RGS21: variants seen among roughly 807,000 people sequenced by gnomAD.
The protein encoded by RGS21 is regulator of G protein signaling 21, also known as regulator of G-protein signalling 21.
In RGS21, 19 loss-of-function variants were observed where a neutral mutation model predicts 18.7. The observed-to-expected ratio is 1.01, with a 90% CI of 0.71 to 1.49. The LOEUF is 1.49. Among genes scored for constraint, RGS21 ranks in the 40% most tolerant of loss-of-function variants. The pLI, the probability that RGS21 is intolerant of heterozygous loss-of-function variation, is 0.00. For synonymous variants in RGS21, 56 were observed against 57.8 expected, an observed-to-expected ratio of 0.97 and a Z score of 0.14; for missense variants, 194 against 176.8, an observed-to-expected ratio of 1.10 and a Z score of -0.55.
At chr1:192,332,837 C>T (rs768143829) in intron 1 of RGS21, among the ~76,000 whole-genome samples, 11 of 151,984 alleles carry the variant, frequency 7.2e-5, no homozygotes, top group Non-Finnish European at 1.6e-4. Context: ...TGGATTGAGC[C>T]CAGCAGTTCA....
intron 1 of RGS21, among the ~76,000 whole-genome samples, chr1:192,332,841 C>T (rs1288271280): frequency 1.3e-5 from 2 of 152,044 alleles, no homozygotes; most frequent in Non-Finnish European, 2.9e-5. Flanking sequence ...TTGAGCCCAG[C>T]AGTTCAAAGC....
At chr1:192,365,027 T>C (rs1423270033) in intron 4 of RGS21, among the ~76,000 whole-genome samples, 8 of 151,266 alleles carry the variant, frequency 5.3e-5, no homozygotes, top group Admixed American at 4.6e-4. Flanking sequence ...TCCCAGCTAC[T>C]AGGGAGGCTA....
At chr1:192,358,064 C>T (rs1288590951) in intron 4 of RGS21, among the ~76,000 whole-genome samples, 1 of 151,956 alleles carries the variant, frequency 6.6e-6, no homozygotes, top group Non-Finnish European at 1.5e-5. Flanking sequence ...TCGGCTGCTC[C>T]AGTGTAGCTG....
chr1:192,356,216 G>A (rs1659111223), intron 4 of RGS21, among the ~76,000 whole-genome samples: 1 of 151,714 alleles, frequency 6.6e-6, no homozygotes, highest in Admixed American at 6.6e-5. Context: ...GCACAATGTT[G>A]CTTATTGAGT....
At chr1:192,320,015 T>G (rs991174872) in intron 1 of RGS21, among the ~76,000 whole-genome samples, 4 of 152,078 alleles carry the variant, frequency 2.6e-5, no homozygotes, top group African/African-American at 9.7e-5. Flanking sequence ...CACAGTGAAG[T>G]ATTTTATAGC....
Position 192,330,616 on chromosome 1 carries a change from G to A in RGS21, c.-60-12361G>A, listed in dbSNP as rs1222073820. Among the ~76,000 whole-genome samples, 4 of 152,150 alleles carry A rather than the reference G, an allele frequency of 2.6e-5. No homozygotes were observed. The East Asian group carries it at 7.7e-4, about 29-fold the overall frequency. ...AGTAAGACTCTTCTAAGATATGTAG[G>A]ATGGATTGGAAGGAGAACAATCTGG... On this transcript the variant is annotated intron_variant, in intron 1 of 4. Transcript: ENST00000417209.
chr1:192,335,065 T>G (rs1425244693), intron 1 of RGS21, among the ~76,000 whole-genome samples: 1 of 152,164 alleles, frequency 6.6e-6, no homozygotes, highest in African/African-American at 2.4e-5. Flanking sequence ...ATTGTATTAT[T>G]CTCACAGAGC....
chr1:192,365,201 A>G (rs1215301320), intron 4 of RGS21, among the ~76,000 whole-genome samples: 1 of 152,062 alleles, frequency 6.6e-6, no homozygotes, highest in African/African-American at 2.4e-5. Flanking sequence ...TAATTTGGAT[A>G]TAAACTTTTC....
At position 192,347,374 on chromosome 1, in the gene RGS21, C is replaced by T. The variant is rs1240491925; in HGVS notation, c.73C>T (p.Leu25Phe). Residue 25 changes from leucine to phenylalanine, a missense_variant, in exon 3 of 5, where the codon CTT becomes TTT. By Grantham distance (22) the Leu-to-Phe change is conservative. Coordinates refer to ENST00000417209, the MANE Select transcript of RGS21 (RefSeq NM_001039152.3). Reference sequence around the variant, plus strand: ...GACATGGTCTGAAAATATGGACACGCTTTTAGCCAACCAAGGTAAGATTTA... The same window carrying T: ...GACATGGTCTGAAAATATGGACACGTTTTTAGCCAACCAAGGTAAGATTTA... ...TMTWSENMDT[L>F]LANQAGLDAF... 17 of 1,591,868 alleles carry T rather than the reference C, an allele frequency of 1.1e-5. No individual in the cohort carries two copies. Among genetic ancestry groups the T allele is most frequent in the East Asian group, 2.2e-5 (1 of 44,634 alleles).
chr1:192,329,198 T>C (rs1658611243), intron 1 of RGS21, among the ~76,000 whole-genome samples: 1 of 152,096 alleles, frequency 6.6e-6, no homozygotes, highest in Non-Finnish European at 1.5e-5. Flanking sequence ...TGATAACACC[T>C]CAGTGAATTC....
chr1:192,341,099 C>G (rs953455952), intron 1 of RGS21, among the ~76,000 whole-genome samples: 1 of 152,028 alleles, frequency 6.6e-6, no homozygotes, highest in African/African-American at 2.4e-5. Flanking sequence ...TTTTCAGCTT[C>G]TAGAGGCCAC....
intron 1 of RGS21, among the ~76,000 whole-genome samples, chr1:192,330,397 G>A (rs914511534): frequency 6.6e-6 from 1 of 152,184 alleles, no homozygotes; most frequent in South Asian, 2.1e-4. Flanking sequence ...AAAGTGTGGT[G>A]TGGGGAAAGA....
At chr1:192,340,968 G>T (rs972711953) in intron 1 of RGS21, among the ~76,000 whole-genome samples, 1 of 151,940 alleles carries the variant, frequency 6.6e-6, no homozygotes, top group Non-Finnish European at 1.5e-5. Context: ...ATTTGGGTAG[G>T]GACACAGGCA....
chr1:192,350,560 G>A (rs1031932986), intron 3 of RGS21, among the ~76,000 whole-genome samples: 1 of 152,140 alleles, frequency 6.6e-6, no homozygotes, highest in African/African-American at 2.4e-5. Flanking sequence ...TGCAAAGGGG[G>A]CCTCCCTGGC....
intron 2 of RGS21, among the ~76,000 whole-genome samples, chr1:192,345,772 G>T (rs1658936283): frequency 6.6e-6 from 1 of 151,888 alleles, no homozygotes; most frequent in South Asian, 2.1e-4. Context: ...CCAAATTTTA[G>T]TATACAAACA....
At chr1:192,326,472 G>A (rs1320239543) in intron 1 of RGS21, among the ~76,000 whole-genome samples, 1 of 151,924 alleles carries the variant, frequency 6.6e-6, no homozygotes, top group Non-Finnish European at 1.5e-5. Flanking sequence ...TTAACAACTT[G>A]GAATGACATA....
intron 1 of RGS21, among the ~76,000 whole-genome samples, chr1:192,332,791 G>A (rs938006752): frequency 2.0e-5 from 3 of 152,120 alleles, no homozygotes; most frequent in African/African-American, 7.2e-5. Context: ...CCTCACACCT[G>A]TAGTCCTAGC....
chr1:192,343,197 T>G (rs1658897786), intron 2 of RGS21, 150 bp downstream of exon 2: 1 of 814,390 alleles, frequency 1.2e-6, no homozygotes, highest in African/African-American at 1.7e-5. Flanking sequence ...TCTACTGATT[T>G]CTTCTTTTTG....
chr1:192,341,616 CAAT>C (rs542579543), intron 1 of RGS21, among the ~76,000 whole-genome samples: 89 of 152,122 alleles, frequency 5.9e-4, no homozygotes, highest in Admixed American at 4.8e-3. Flanking sequence ...GCACATTAAA[CAAT>C]AATTGTGGTT....
Sources: allele counts gnomAD v4.1 joint callset (sites outside exome capture counted in the v4.1 genomes callset), GRCh38; gene constraint gnomAD v4.1.1; transcripts MANE v1.5; gene names NCBI Gene and HGNC (gene_info 2026-07-23, HGNC 2026-07-21).